Variants in SYNE1 observed in about 807,000 individuals in gnomAD.
The protein encoded by SYNE1 is nesprin-1.
SYNE1 carries 616 observed loss-of-function variants against 1,111.0 expected under a neutral mutation model. That is an observed-to-expected ratio of 0.55 (90% CI 0.52 to 0.59). The LOEUF is 0.59. SYNE1 is among the 20% of genes least tolerant of loss of function. The probability of loss-of-function intolerance (pLI) is 0.00; values close to 1 mark genes in which losing one functional copy is unlikely to be tolerated. For synonymous variants in SYNE1, 3,855 were observed against 3,825.8 expected (o/e 1.01, Z -0.28); for missense variants, 10,006 against 10,417.0 (o/e 0.96, Z 1.72).
At chr6:152,548,881 A>G (rs1289350256) in intron 3 of SYNE1, among the ~76,000 whole-genome samples, 1 of 152,184 alleles carries the variant, frequency 6.6e-6, no homozygotes, top group Non-Finnish European at 1.5e-5. Flanking sequence ...TGCAGCAGAA[A>G]TTACTTTATG....
rs1037009463 is a variant in SYNE1 at position 152,170,483 on chromosome 6, G to T, written c.23627+5911C>A. On this transcript the variant is annotated intron_variant, in intron 130 of 145. Coordinates refer to ENST00000367255, the MANE Select transcript of SYNE1 (RefSeq NM_182961.4). ...ACCTGGGCCACACAGCAGGAACCAG[G>T]TGGACTAAACTCAGGCCTCTTGATT... 2.0e-5 allele frequency among the ~76,000 whole-genome samples: 3 copies of T among 152,234 alleles called. No individual in the cohort carries two copies. In the East Asian group the frequency reaches 5.8e-4, roughly 29 times the overall value.
chr6:152,132,225 GA>G lies in SYNE1; in HGVS notation c.26002-12del, dbSNP rs755646796. On this transcript the variant is annotated splice_polypyrimidine_tract_variant and intron_variant, in intron 143 of 145. Transcript: ENST00000367255. The stretch of plus-strand genomic sequence containing the variant: ...CCAGGAAGACAAATCCTATGTGGGA[GA>G]AAGATTCTTTTAACAACTCCATGTC... 2 of 1,613,332 alleles carry G rather than the reference GA, an allele frequency of 1.2e-6. No homozygotes were observed. Among genetic ancestry groups the G allele is most frequent in the Non-Finnish European group, 1.7e-6 (2 of 1,179,424 alleles).
chr6:152,629,332 G>A (rs564371377), intron 2 of SYNE1, among the ~76,000 whole-genome samples: 1 of 151,994 alleles, frequency 6.6e-6, no homozygotes, highest in South Asian at 2.1e-4. Context: ...AGCCTCCTAA[G>A]TAGCTGGGAT....
rs77226266 is a variant in SYNE1, at chr6:152,579,543, G to A, written c.68-39522C>T. Among the ~76,000 whole-genome samples the A allele has an allele frequency of 1.9e-4, 29 of 152,182 alleles. No homozygotes were observed. The East Asian group carries it at 4.6e-3, about 24-fold the overall frequency. ...TTTCCAACTTTTATTTTAGGTTCAG[G>A]GGGTGCATGTACAGGTTTGTTACAT... On this transcript the variant is annotated intron_variant, in intron 3 of 145. Coordinates refer to ENST00000367255, the MANE Select transcript of SYNE1 (RefSeq NM_182961.4).
intron 63 of SYNE1, among the ~76,000 whole-genome samples, chr6:152,363,494 A>AAACT (rs1421184886): frequency 3.0e-5 from 4 of 133,712 alleles, no homozygotes; most frequent in African/African-American, 1.1e-4. Flanking sequence ...ACTCCGTCTC[A>AAACT]AACTAAATAA....
intron 79 of SYNE1, 73 bp from the exon 80 acceptor site, chr6:152,326,175 A>G: frequency 1.2e-6 from 2 of 1,613,168 alleles, no homozygotes; most frequent in South Asian, 2.2e-5. Context: ...TGGTGTCAGT[A>G]TGTCTAATGA....
Position 152,369,109 on chromosome 6 carries a change from G to C in SYNE1, c.9670C>G (p.His3224Asp), listed in dbSNP as rs557642990. The C allele has an allele frequency of 3.1e-6, 5 of 1,613,698 alleles. No individual in the cohort carries two copies. The African/African-American group carries it at 4.0e-5, about 13-fold the overall frequency. ...QKLQSVLEEI[H>D]CYEPQLNRLK... Reference sequence around the variant, plus strand: ...CTGTTGAGCTGAGGCTCGTAGCAGTGTATTTCCTCAAGGACAGACTGAAAA... The same window carrying C: ...CTGTTGAGCTGAGGCTCGTAGCAGTCTATTTCCTCAAGGACAGACTGAAAA... Residue 3224 changes from histidine to aspartate, a missense_variant, in exon 61 of 146, where the codon CAC becomes GAC. By Grantham distance (81) the His-to-Asp change is moderately conservative (BLOSUM62 -1). Transcript: ENST00000367255.
At chr6:152,399,450 A>G (rs1409370177) in intron 48 of SYNE1, among the ~76,000 whole-genome samples, 166 bp downstream of exon 48, 1 of 152,230 alleles carries the variant, frequency 6.6e-6, no homozygotes, top group Non-Finnish European at 1.5e-5. Flanking sequence ...ATAGGGTGAG[A>G]GCCTCCAGCA....
At chr6:152,313,588 G>A (rs1293993622) in intron 87 of SYNE1, among the ~76,000 whole-genome samples, 4 of 151,176 alleles carry the variant, frequency 2.6e-5, no homozygotes, top group African/African-American at 4.9e-5. Context: ...TCAGCCATCC[G>A]AGCAGCTGGA....
chr6:152,175,061 G>C lies in SYNE1; in HGVS notation c.23627+1333C>G, dbSNP rs544041282. 6.6e-4 allele frequency among the ~76,000 whole-genome samples: 100 copies of C among 152,276 alleles called. 1 individual carries two copies. Among genetic ancestry groups the C allele is most frequent in the Non-Finnish European group, 1.2e-3 (83 of 68,034 alleles). ...ATACAAAAATTAGCCAGGTGTGGTA[G>C]TGTATGCCTGTAGTCCCAGGGATTG... On this transcript the variant is annotated intron_variant, in intron 130 of 145. Transcript: ENST00000367255.
At chr6:152,189,140 C>T in intron 128 of SYNE1, 112 bp downstream of exon 128, 3 of 1,097,390 alleles carry the variant, frequency 2.7e-6, no homozygotes, top group Non-Finnish European at 4.1e-6. Flanking sequence ...CTTCCTTTGT[C>T]CGTACTAAGA....
chr6:152,359,402 T>C lies in SYNE1; in HGVS notation c.10356A>G (p.Lys3452=), dbSNP rs1318434658. ...CATAGTGTTCTGTCATGCCAGCCCC[T>C]TTGACTTCGATGGTCTCCAGCAAGC... ...YSSLLETIEV[K]GAGMTEHYVT... Residue 3452 remains lysine (K), a synonymous_variant, in exon 65 of 146, where the codon AAA becomes AAG. Transcript: ENST00000367255. 4.3e-6 allele frequency: 7 copies of C among 1,614,188 alleles called. No homozygotes were observed. The Admixed American group carries it at 5.0e-5, about 12-fold the overall frequency.
intron 98 of SYNE1, among the ~76,000 whole-genome samples, chr6:152,273,717 C>T (rs1234884498): frequency 2.0e-5 from 3 of 152,190 alleles, no homozygotes; most frequent in Admixed American, 6.5e-5. Context: ...CTAGAAGATC[C>T]AGCAATGCCA....
chr6:152,537,352 G>A (rs2127941419), intron 4 of SYNE1, among the ~76,000 whole-genome samples: 1 of 151,972 alleles, frequency 6.6e-6, no homozygotes, highest in African/African-American at 2.4e-5. Flanking sequence ...CATTTGTGTA[G>A]TAAAAATAGA....
chr6:152,377,024 A>G, intron 56 of SYNE1, 112 bp from the exon 57 acceptor site: 1 of 1,331,564 alleles, frequency 7.5e-7, no homozygotes, highest in Non-Finnish European at 1.0e-6. Context: ...AGAAGAACCA[A>G]CATGGTAGAT....
intron 127 of SYNE1, among the ~76,000 whole-genome samples, chr6:152,192,385 C>T (rs2072737422): frequency 6.6e-6 from 1 of 152,008 alleles, no homozygotes; most frequent in Non-Finnish European, 1.5e-5. Context: ...TCTAATGTCT[C>T]TCTTTAGCTC....
At chr6:152,189,020 A>T (rs1478825338) in intron 128 of SYNE1, among the ~76,000 whole-genome samples, 1 of 112,682 alleles carries the variant, frequency 8.9e-6, no homozygotes, top group Non-Finnish European at 1.9e-5. Flanking sequence ...TATATATATA[A>T]AATGCCAGCC....
chr6:152,445,134 A>G (rs936900203), intron 29 of SYNE1, among the ~76,000 whole-genome samples: 1 of 151,970 alleles, frequency 6.6e-6, no homozygotes. Context: ...AAAACTGCAT[A>G]TATTATATAT....
chr6:152,425,855 T>C (rs1211432899), intron 38 of SYNE1, among the ~76,000 whole-genome samples: 1 of 152,232 alleles, frequency 6.6e-6, no homozygotes, highest in Non-Finnish European at 1.5e-5. Flanking sequence ...GTCTGAGTTC[T>C]AAGTTAGGCA....
Sources: allele counts gnomAD v4.1 joint callset (sites outside exome capture counted in the v4.1 genomes callset), GRCh38; gene constraint gnomAD v4.1.1; transcripts MANE v1.5; gene names NCBI Gene and HGNC (gene_info 2026-07-23, HGNC 2026-07-21).